Variants in FHIT observed in about 807,000 individuals in gnomAD.
The protein encoded by FHIT is bis(5'-adenosyl)-triphosphatase.
A neutral mutation model predicts 17.9 loss-of-function variants in FHIT; 19 were observed. That is an observed-to-expected ratio of 1.06 (90% CI 0.74 to 1.56). The LOEUF is 1.56. FHIT is among the 40% of genes most tolerant of loss of function. The pLI, the probability that FHIT is intolerant of heterozygous loss-of-function variation, is 0.00. For missense variants in FHIT, 248 were observed against 189.2 expected (o/e 1.31, Z -1.82); for synonymous variants, 81 against 69.7 (o/e 1.16, Z -0.81).
At chr3:60,473,022 C>T (rs969481726) in intron 5 of FHIT, among the ~76,000 whole-genome samples, 1 of 151,842 alleles carries the variant, frequency 6.6e-6, no homozygotes, top group Non-Finnish European at 1.5e-5. Flanking sequence ...CTTTTAAAAC[C>T]AATGAAATGC....
intron 3 of FHIT, among the ~76,000 whole-genome samples, chr3:60,853,715 A>T (rs781835555): frequency 3.9e-4 from 59 of 152,206 alleles, no homozygotes; most frequent in Non-Finnish European, 7.9e-4. Flanking sequence ...GCTTCATTTC[A>T]TCTTTTATCT....
chr3:60,695,214 G>A (rs952340543), intron 4 of FHIT, among the ~76,000 whole-genome samples: 8 of 152,070 alleles, frequency 5.3e-5, no homozygotes, highest in Admixed American at 6.6e-5. Context: ...GGCCAAAATG[G>A]CAAAAGCCCA....
chr3:60,129,057 T>G (rs1013146228), intron 5 of FHIT, among the ~76,000 whole-genome samples: 28 of 145,044 alleles, frequency 1.9e-4, no homozygotes, highest in African/African-American at 4.9e-4. Flanking sequence ...TTGTTTGTTT[T>G]TTTTTTTTTT....
intron 1 of FHIT, among the ~76,000 whole-genome samples, chr3:61,250,636 C>G (rs2040599114): frequency 6.6e-6 from 1 of 152,030 alleles, no homozygotes; most frequent in African/African-American, 2.4e-5. Flanking sequence ...GTTCCACTAA[C>G]CTGCCTCCTT....
chr3:61,244,248 C>G (rs949300559), intron 1 of FHIT: 1 of 152,126 alleles, frequency 6.6e-6, no homozygotes, highest in Non-Finnish European at 1.5e-5. Flanking sequence ...ATGGGACCAG[C>G]CCCAGGTGAT....
chr3:59,783,785 C>T (rs1702713843), intron 8 of FHIT, among the ~76,000 whole-genome samples: 1 of 152,112 alleles, frequency 6.6e-6, no homozygotes, highest in Admixed American at 6.5e-5. Flanking sequence ...TTGCCACAAC[C>T]CCCACACCCC....
intron 8 of FHIT, among the ~76,000 whole-genome samples, chr3:59,889,793 AG>A (rs1703776352): frequency 6.6e-6 from 1 of 152,232 alleles, no homozygotes; most frequent in Non-Finnish European, 1.5e-5. Context: ...CACACACATA[AG>A]AAAAATCTGC....
At position 60,426,208 on chromosome 3, in the gene FHIT, T is replaced by C. The variant is rs186418449; in HGVS notation, c.103+110652A>G. ...AAATAGAACCTGACTCACATGATGATTGTAAAAATTAAGTGAGTGAATACT... is the reference window on the plus strand; with the variant it reads ...AAATAGAACCTGACTCACATGATGACTGTAAAAATTAAGTGAGTGAATACT... On this transcript the variant is annotated intron_variant, in intron 5 of 9. Transcript: ENST00000492590. 1.3e-4 allele frequency among the ~76,000 whole-genome samples: 20 copies of C among 152,226 alleles called. No homozygotes were observed. In the East Asian group the frequency reaches 3.7e-3, roughly 28 times the overall value.
chr3:61,231,538 T>C (rs891838450), intron 1 of FHIT, among the ~76,000 whole-genome samples: 1 of 151,870 alleles, frequency 6.6e-6, no homozygotes, highest in African/African-American at 2.4e-5. Context: ...GTTCTTAATG[T>C]TGTTTATTAA....
chr3:61,122,966 C>T (rs1051195395), intron 2 of FHIT, among the ~76,000 whole-genome samples: 1 of 152,116 alleles, frequency 6.6e-6, no homozygotes, highest in South Asian at 2.1e-4. Context: ...GGATCTAGAA[C>T]CAGAAATACC....
chr3:60,777,621 G>A (rs1700252391), intron 4 of FHIT, among the ~76,000 whole-genome samples: 1 of 152,180 alleles, frequency 6.6e-6, no homozygotes, highest in Admixed American at 6.5e-5. Flanking sequence ...AGGGGGAAGG[G>A]GATTCTCTAT....
At chr3:60,438,637 C>G (rs1430017045) in intron 5 of FHIT, among the ~76,000 whole-genome samples, 2 of 152,164 alleles carry the variant, frequency 1.3e-5, no homozygotes, top group East Asian at 1.9e-4. Flanking sequence ...AAATTACACA[C>G]TGTTAACTTA....
At chr3:60,235,659 C>T (rs1704744972) in intron 5 of FHIT, among the ~76,000 whole-genome samples, 2 of 152,172 alleles carry the variant, frequency 1.3e-5, no homozygotes, top group African/African-American at 4.8e-5. Flanking sequence ...TCTACAGTTA[C>T]ATGATCTCAA....
intron 4 of FHIT, among the ~76,000 whole-genome samples, chr3:60,782,456 T>C (rs774458127): frequency 6.6e-5 from 10 of 152,106 alleles, no homozygotes; most frequent in Non-Finnish European, 1.3e-4. Context: ...TAAGGGACTA[T>C]CATTACAGTG....
intron 4 of FHIT, among the ~76,000 whole-genome samples, chr3:60,725,612 T>C (rs2041902263): frequency 6.6e-6 from 1 of 152,220 alleles, no homozygotes; most frequent in South Asian, 2.1e-4. Context: ...AGAACCTATG[T>C]ATGTGACAAA....
chr3:61,041,163 G>A (rs767478164), intron 3 of FHIT, among the ~76,000 whole-genome samples: 9 of 151,968 alleles, frequency 5.9e-5, no homozygotes, highest in East Asian at 1.9e-4. Context: ...GGCAGATCAC[G>A]AGGTCAAGAG....
chr3:60,265,546 A>G (rs1284344134), intron 5 of FHIT, among the ~76,000 whole-genome samples: 1 of 152,044 alleles, frequency 6.6e-6, no homozygotes, highest in Non-Finnish European at 1.5e-5. Flanking sequence ...AAGCAACGAC[A>G]GCCACAACAA....
At chr3:60,874,252 C>CT (rs1355949644) in intron 3 of FHIT, among the ~76,000 whole-genome samples, 4 of 152,094 alleles carry the variant, frequency 2.6e-5, no homozygotes, top group Admixed American at 2.0e-4. Flanking sequence ...TACATGTTTG[C>CT]TGCTATCAGC....
intron 4 of FHIT, among the ~76,000 whole-genome samples, chr3:60,821,005 T>G (rs1477260837): frequency 6.6e-6 from 1 of 151,742 alleles, no homozygotes; most frequent in Admixed American, 6.6e-5. Context: ...TGGCAGGGTC[T>G]CACTCTGTCG....
Sources: gnomAD v4.1 joint callset for allele counts (sites outside exome capture counted in the v4.1 genomes callset) on GRCh38, gnomAD v4.1.1 for gene constraint, MANE v1.5 for transcripts, NCBI Gene and HGNC (gene_info 2026-07-23, HGNC 2026-07-21) for gene names.